Variants in PRKG1 observed in about 807,000 individuals in gnomAD.
PRKG1 encodes cGMP-dependent protein kinase 1.
PRKG1 carries 35 observed loss-of-function variants against 88.1 expected under a neutral mutation model. That is an observed-to-expected ratio of 0.40 (90% CI 0.30 to 0.53). The LOEUF is 0.53. Among genes scored for constraint, PRKG1 ranks in the 20% least tolerant of loss-of-function variants. The probability of loss-of-function intolerance (pLI) is 0.59; values close to 1 mark genes in which losing one functional copy is unlikely to be tolerated. For synonymous variants in PRKG1, 303 were observed against 292.5 expected (o/e 1.04, Z -0.37); for missense variants, 540 against 839.8 (o/e 0.64, Z 4.41).
At chr10:52,233,114 A>G (rs1311745707) in intron 9 of PRKG1, among the ~76,000 whole-genome samples, 2 of 151,806 alleles carry the variant, frequency 1.3e-5, no homozygotes, top group Non-Finnish European at 2.9e-5. Context: ...TAATTCACAT[A>G]GGCCACGTGA....
chr10:51,764,751 A>G (rs1039121585), intron 3 of PRKG1, among the ~76,000 whole-genome samples: 2 of 152,170 alleles, frequency 1.3e-5, no homozygotes, highest in African/African-American at 4.8e-5. Flanking sequence ...TCTCCCCCCA[A>G]AATTAGGTGT....
intron 3 of PRKG1, among the ~76,000 whole-genome samples, chr10:51,490,186 A>G (rs1373956966): frequency 6.6e-6 from 1 of 152,154 alleles, no homozygotes; most frequent in Non-Finnish European, 1.5e-5. Flanking sequence ...AGTTACATGT[A>G]TAGCAGAGAG....
chr10:52,155,913 G>A (rs1838082318), intron 8 of PRKG1, among the ~76,000 whole-genome samples: 1 of 151,948 alleles, frequency 6.6e-6, no homozygotes, highest in Non-Finnish European at 1.5e-5. Context: ...TCTCAAAAGT[G>A]ACAGTAAGTA....
chr10:51,840,704 G>C (rs190735608), intron 4 of PRKG1, among the ~76,000 whole-genome samples: 64 of 152,152 alleles, frequency 4.2e-4, no homozygotes, highest in African/African-American at 1.5e-3. Flanking sequence ...GCACCGCCAT[G>C]CCTGGCTAAT....
At chr10:51,595,055 A>G (rs967476652) in intron 3 of PRKG1, among the ~76,000 whole-genome samples, 1 of 152,192 alleles carries the variant, frequency 6.6e-6, no homozygotes, top group African/African-American at 2.4e-5. Context: ...GGTGATATAA[A>G]TTAACTCTGT....
intron 3 of PRKG1, among the ~76,000 whole-genome samples, chr10:51,661,671 C>A (rs1840303028): frequency 6.6e-6 from 1 of 152,166 alleles, no homozygotes; most frequent in South Asian, 2.1e-4. Flanking sequence ...GACAGTGTGG[C>A]AATTCCTCAA....
intron 9 of PRKG1, among the ~76,000 whole-genome samples, chr10:52,251,267 A>T (rs943030453): frequency 6.6e-6 from 1 of 152,166 alleles, no homozygotes; most frequent in Non-Finnish European, 1.5e-5. Context: ...TCACAAGAAG[A>T]CGCGTAGAAA....
intron 2 of PRKG1, among the ~76,000 whole-genome samples, chr10:51,263,407 G>A (rs1447340531): frequency 6.6e-6 from 1 of 152,088 alleles, no homozygotes; most frequent in African/African-American, 2.4e-5. Flanking sequence ...TGGACTTTTA[G>A]TTACAGCTCT....
At chr10:51,761,480 T>TGTAGAAAATGTATTTTG (rs1838020835) in intron 3 of PRKG1, among the ~76,000 whole-genome samples, 1 of 152,198 alleles carries the variant, frequency 6.6e-6, no homozygotes, top group Non-Finnish European at 1.5e-5. Context: ...GAATGAGCTT[T>TGTAGAAAATGTATTTTG]GTAGAAAATG....
intron 9 of PRKG1, among the ~76,000 whole-genome samples, chr10:52,178,251 C>A (rs1322782374): frequency 6.6e-6 from 1 of 151,882 alleles, no homozygotes; most frequent in Non-Finnish European, 1.5e-5. Context: ...TTTTACATTT[C>A]TTTCTTCAGT....
chr10:52,236,118 C>T (rs1329664548), intron 9 of PRKG1, among the ~76,000 whole-genome samples: 15 of 54,038 alleles, frequency 2.8e-4, no homozygotes, highest in Admixed American at 7.5e-4. Context: ...TTGAAACCAA[C>T]GAGAACAAAG....
intron 1 of PRKG1, among the ~76,000 whole-genome samples, chr10:51,033,788 G>A (rs1437651619): frequency 5.3e-5 from 8 of 152,102 alleles, no homozygotes; most frequent in African/African-American, 1.9e-4. Context: ...TTGAGGACAC[G>A]GAGGAAAAAA....
intron 3 of PRKG1, among the ~76,000 whole-genome samples, chr10:51,469,256 C>A (rs995256155): frequency 1.3e-5 from 2 of 151,672 alleles, no homozygotes; most frequent in African/African-American, 2.4e-5. Context: ...TAAAAAAGAC[C>A]AGAATAGCAT....
intron 3 of PRKG1, among the ~76,000 whole-genome samples, chr10:51,657,881 C>T (rs1021158911): frequency 6.6e-6 from 1 of 152,072 alleles, no homozygotes; most frequent in Non-Finnish European, 1.5e-5. Context: ...CTTGAGGACT[C>T]CAGGGTACTG....
intron 4 of PRKG1, among the ~76,000 whole-genome samples, chr10:51,809,277 T>A (rs1435673701): frequency 6.9e-6 from 1 of 144,442 alleles, no homozygotes; most frequent in Admixed American, 6.7e-5. Flanking sequence ...GATGTTTCTA[T>A]CCAGATCATA....
At chr10:51,265,355 GA>G (rs1411775489) in intron 2 of PRKG1, among the ~76,000 whole-genome samples, 2 of 152,024 alleles carry the variant, frequency 1.3e-5, no homozygotes, top group Non-Finnish European at 2.9e-5. Context: ...ATTTCAGAGA[GA>G]CAACAAATAA....
intron 2 of PRKG1, among the ~76,000 whole-genome samples, chr10:51,370,456 AAGAAAGAGAGAGAGAGAAAGAGAC>A (rs1564465178): frequency 6.6e-6 from 1 of 150,986 alleles, no homozygotes; most frequent in South Asian, 2.1e-4. Flanking sequence ...ATATGGGGTT[AAGAAAGAGAGAGAGAGAAAGAGAC>A]AGAAAGAGAG....
At chr10:51,451,462 G>A (rs1839437005) in intron 2 of PRKG1, among the ~76,000 whole-genome samples, 1 of 151,810 alleles carries the variant, frequency 6.6e-6, no homozygotes, top group Non-Finnish European at 1.5e-5. Context: ...TAGACCATGA[G>A]GTTTGAATAA....
intron 4 of PRKG1, among the ~76,000 whole-genome samples, chr10:51,892,152 C>T (rs1937671): frequency 0.22 from 33,984 of 151,928 alleles, 4,007 homozygotes; most frequent in Admixed American, 0.31. Flanking sequence ...TAGATATTCC[C>T]GAATAAAGGA....
Sources: gnomAD v4.1 joint callset for allele counts (sites outside exome capture counted in the v4.1 genomes callset) on GRCh38, gnomAD v4.1.1 for gene constraint, MANE v1.5 for transcripts, NCBI Gene and HGNC (gene_info 2026-07-23, HGNC 2026-07-21) for gene names.